Variants in PXN observed in about 807,000 individuals in gnomAD.
PXN encodes the protein testicular tissue protein Li 134.
PXN carries 61 observed loss-of-function variants against 103.6 expected under a neutral mutation model. The ratio of observed to expected loss-of-function variants is 0.59; its 90% confidence interval spans 0.48 to 0.73. The LOEUF is 0.73. Ranked by LOEUF, PXN falls within the 30% of genes least tolerant of loss-of-function variation. The pLI is 0.00. For missense variants in PXN, 1,274 were observed against 1,460.3 expected (o/e 0.87, Z 2.08); for synonymous variants, 562 against 607.8 (o/e 0.92, Z 1.11).
At chr12:120,232,359 C>T (rs1888217160) in intron 1 of PXN, among the ~76,000 whole-genome samples, 1 of 152,222 alleles carries the variant, frequency 6.6e-6, no homozygotes, top group African/African-American at 2.4e-5. Flanking sequence ...CTCATCTCTC[C>T]TGTCCAGAAT....
rs1005143803 is a variant in PXN at position 120,221,173 on chromosome 12, A to G, written c.831+450T>C. 6.6e-6 allele frequency among the ~76,000 whole-genome samples: 1 copy of G among 152,092 alleles called. No individual in the cohort carries two copies. The highest frequency in any genetic ancestry group is 2.4e-5 in the African/African-American group (1 of 41,398). On this transcript the variant is annotated intron_variant, in intron 6 of 14. Coordinates refer to ENST00000637617, the MANE Select transcript of PXN (RefSeq NM_001385981.1). This position sits in a 1 kb window ranked among gnomAD's most constrained non-coding sequence, Gnocchi z 6.6. ...AGGATCAGAGGCAGAAAGAAAGAGGATGTGTTGAGGACAGCTAGCGTGGGA... is the reference window on the plus strand; with the variant it reads ...AGGATCAGAGGCAGAAAGAAAGAGGGTGTGTTGAGGACAGCTAGCGTGGGA...
Position 120,220,010 on chromosome 12 carries a change from GAGA to G in PXN, c.910_912del (p.Ser304del), listed in dbSNP as rs1330767294. On this transcript the variant is annotated inframe_deletion, in exon 7 of 15. Transcript: ENST00000637617. This position sits in a 1 kb window ranked among gnomAD's most constrained non-coding sequence, Gnocchi z 6.1. The stretch of plus-strand genomic sequence containing the variant: ...AGAAATACAGATGGCATGGGAGGAG[GAGA>G]AGGAGGAAGGGAGCAGTATGAGGAC... 1 of 1,565,862 alleles carries G rather than the reference GAGA, an allele frequency of 6.4e-7. No homozygotes were observed. Among genetic ancestry groups the G allele is most frequent in the Non-Finnish European group, 8.7e-7 (1 of 1,152,714 alleles).
chr12:120,249,400 A>T (rs1179361), intron 1 of PXN, among the ~76,000 whole-genome samples: 1 of 152,064 alleles, frequency 6.6e-6, no homozygotes, highest in Non-Finnish European at 1.5e-5. Context: ...CCAACAGGCC[A>T]TTAGGAGGGA....
intron 1 of PXN, among the ~76,000 whole-genome samples, chr12:120,263,127 G>A (rs766443186): frequency 2.0e-5 from 3 of 152,126 alleles, no homozygotes; most frequent in Admixed American, 6.5e-5. Flanking sequence ...CTGAGAGCAC[G>A]CTCAGGAGAA....
At position 120,220,225 on chromosome 12, in the gene PXN, C is replaced by A; in HGVS notation, c.832-134G>T. The A allele has an allele frequency of 4.4e-6, 2 of 451,164 alleles. No individual in the cohort carries two copies. The highest frequency in any genetic ancestry group is 7.8e-6 in the Non-Finnish European group (2 of 255,666). 27.9% of individuals were successfully genotyped at this position (451,164 alleles called of 1,614,324 possible). ...TGCAAAGCTGACGCACAGGACTGAC[C>A]CTTGAAGGAGACCCAGACCCCAAAA... On this transcript the variant is annotated intron_variant, in intron 6 of 14. Coordinates refer to ENST00000637617, the MANE Select transcript of PXN (RefSeq NM_001385981.1). This position sits in a 1 kb window ranked among gnomAD's most constrained non-coding sequence, Gnocchi z 6.1.
At chr12:120,239,136 G>C (rs949500038) in intron 1 of PXN, among the ~76,000 whole-genome samples, 8 of 152,166 alleles carry the variant, frequency 5.3e-5, no homozygotes, top group Admixed American at 2.6e-4. Context: ...GGTGCCACTG[G>C]TTTCTCCTTT....
At chr12:120,235,298 A>G (rs1888821979) in intron 1 of PXN, among the ~76,000 whole-genome samples, 1 of 152,262 alleles carries the variant, frequency 6.6e-6, no homozygotes, top group South Asian at 2.1e-4. Context: ...AAAGGGATCC[A>G]AAGACGGGGC....
Position 120,220,747 on chromosome 12 carries a change from C to T in PXN, c.832-656G>A, listed in dbSNP as rs372541679. Among the ~76,000 whole-genome samples the T allele has an allele frequency of 3.0e-4, 46 of 152,270 alleles. No homozygotes were observed. Among genetic ancestry groups the T allele is most frequent in the African/African-American group, 1.1e-3 (45 of 41,550 alleles). On this transcript the variant is annotated intron_variant, in intron 6 of 14. Coordinates refer to ENST00000637617, the MANE Select transcript of PXN (RefSeq NM_001385981.1). The surrounding 1 kb of genome is among the most constrained non-coding windows in gnomAD (Gnocchi z 6.1). ...CACGCAAGGGTCACAGGGCCAGGCTCAACCCTCCACCCCAGCCACACTCCT... is the reference window on the plus strand; with the variant it reads ...CACGCAAGGGTCACAGGGCCAGGCTTAACCCTCCACCCCAGCCACACTCCT...
At chr12:120,223,399 A>G (rs1331468762) in intron 3 of PXN, among the ~76,000 whole-genome samples, 1 of 151,478 alleles carries the variant, frequency 6.6e-6, no homozygotes, top group African/African-American at 2.4e-5. Flanking sequence ...GCGCGACTGC[A>G]CTCCAGCCTG....
chr12:120,259,158 G>A (rs1046713978), intron 1 of PXN, among the ~76,000 whole-genome samples: 3 of 152,100 alleles, frequency 2.0e-5, no homozygotes, highest in Non-Finnish European at 2.9e-5. Flanking sequence ...TTGGGAGGCT[G>A]AGGCAGGTGG....
rs1284770717 is a variant in PXN at position 120,212,033 on chromosome 12, A to C, written c.*281T>G. The C allele has an allele frequency of 7.4e-6, 5 of 673,654 alleles. No individual in the cohort carries two copies. Among genetic ancestry groups the C allele is most frequent in the East Asian group, 3.0e-5 (1 of 32,930 alleles). The allele number at this position is 673,654 out of a possible 1,614,324, so 41.7% of individuals were successfully genotyped here. A position where few individuals can be genotyped will look rare whatever the true frequency, so the allele number is the denominator to read the frequency against. ...TGGCCAGGCCAGTTCGTGGGGACGT[A>C]CATGGGCTGGGGTGGAGCCCCCAGC... On this transcript the variant is annotated 3_prime_UTR_variant, in exon 15 of 15. Transcript: ENST00000637617. The surrounding 1 kb of genome is among the most constrained non-coding windows in gnomAD (Gnocchi z 7.2).
At position 120,215,672 on chromosome 12, in the gene PXN, G is replaced by A. The variant is rs749211221; in HGVS notation, c.2302-11C>T. ...CTCCAGGCCCTGGATCTTAGATAGG[G>A]GAAGAGATGAGGGTAAGAAATCTTT... On this transcript the variant is annotated splice_polypyrimidine_tract_variant and intron_variant, in intron 9 of 14. Transcript: ENST00000637617. This position sits in a 1 kb window ranked among gnomAD's most constrained non-coding sequence, Gnocchi z 4.9. 4.4e-6 allele frequency: 7 copies of A among 1,596,352 alleles called. No individual in the cohort carries two copies. The highest frequency in any genetic ancestry group is 5.1e-6 in the Non-Finnish European group (6 of 1,174,148).
At chr12:120,256,421 GAGA>G (rs1399745555) in intron 1 of PXN, among the ~76,000 whole-genome samples, 3 of 151,932 alleles carry the variant, frequency 2.0e-5, no homozygotes, top group Non-Finnish European at 4.4e-5. Flanking sequence ...AAGAAGAGAA[GAGA>G]AGGAGAGGAG....
intron 1 of PXN, among the ~76,000 whole-genome samples, chr12:120,245,753 A>T (rs919601169): frequency 6.8e-6 from 1 of 147,622 alleles, no homozygotes; most frequent in East Asian, 2.0e-4. Context: ...GCACGACTGC[A>T]CTCCAGCCTG....
intron 1 of PXN, among the ~76,000 whole-genome samples, chr12:120,240,343 G>A (rs912157746): frequency 3.9e-5 from 6 of 152,078 alleles, no homozygotes. Context: ...GCAAGTGCAT[G>A]CCCAGCACTG....
At position 120,216,977 on chromosome 12, in the gene PXN, C is replaced by A. The variant is rs1298142613; in HGVS notation, c.1856G>T (p.Gly619Val). Residue 619 changes from glycine (G) to valine (V), a missense_variant, in exon 8 of 15, where the codon GGG becomes GTG. By Grantham distance (109) the Gly-to-Val change is moderately radical (BLOSUM62 -3). Coordinates refer to ENST00000637617, the MANE Select transcript of PXN (RefSeq NM_001385981.1). This position sits in a 1 kb window ranked among gnomAD's most constrained non-coding sequence, Gnocchi z 5.1. Reference sequence around the variant, plus strand: ...TGCCTCAGGCTGGATGCCCAGCCGCCCCTGCAGCTCCGCGATGAGCTGTTC... The same window carrying A: ...TGCCTCAGGCTGGATGCCCAGCCGCACCTGCAGCTCCGCGATGAGCTGTTC... ...SQEQLIAELQGRLGIQPEAEE... is the reference protein window; with the variant it reads ...SQEQLIAELQVRLGIQPEAEE... 7.1e-6 allele frequency: 11 copies of A among 1,546,702 alleles called. No individual in the cohort carries two copies. The Admixed American group carries it at 1.9e-4, about 27-fold the overall frequency.
At position 120,221,854 on chromosome 12, in the gene PXN, C is replaced by A; in HGVS notation, c.696-96G>T. 1 of 1,453,954 alleles carries A rather than the reference C, an allele frequency of 6.9e-7. No individual in the cohort carries two copies. The highest frequency in any genetic ancestry group is 1.4e-5 in the South Asian group (1 of 72,146). 90.1% of individuals were successfully genotyped at this position (1,453,954 alleles called of 1,614,324 possible). On this transcript the variant is annotated intron_variant, in intron 5 of 14. Coordinates refer to ENST00000637617, the MANE Select transcript of PXN (RefSeq NM_001385981.1). This position sits in a 1 kb window ranked among gnomAD's most constrained non-coding sequence, Gnocchi z 6.6. ...TCTCACCTCGGACACTGGGGTCTCACCATCCCCAACCCCAGGGAGGTCCAC... is the reference window on the plus strand; with the variant it reads ...TCTCACCTCGGACACTGGGGTCTCAACATCCCCAACCCCAGGGAGGTCCAC...
At position 120,212,595 on chromosome 12, in the gene PXN, G is replaced by A; in HGVS notation, c.2980-15C>T. 1 of 1,607,244 alleles carries A rather than the reference G, an allele frequency of 6.2e-7. No individual in the cohort carries two copies. Among genetic ancestry groups the A allele is most frequent in the Non-Finnish European group, 8.5e-7 (1 of 1,176,008 alleles). Reference sequence around the variant, plus strand: ...GTGAAGCATTCCTGCCAGGCGGAGAGAGGGGCTCAGGGAGCTGCCCCTCGG... The same window carrying A: ...GTGAAGCATTCCTGCCAGGCGGAGAAAGGGGCTCAGGGAGCTGCCCCTCGG... On this transcript the variant is annotated splice_polypyrimidine_tract_variant and intron_variant, in intron 14 of 14. Transcript: ENST00000637617. This position sits in a 1 kb window ranked among gnomAD's most constrained non-coding sequence, Gnocchi z 7.2.
chr12:120,219,491 T>C lies in PXN; in HGVS notation c.1432A>G (p.Thr478Ala). 1 of 1,597,812 alleles carries C rather than the reference T, an allele frequency of 6.3e-7. No individual in the cohort carries two copies. Among genetic ancestry groups the C allele is most frequent in the African/African-American group, 1.3e-5 (1 of 75,032 alleles). The change falls in exon 7 of 15, where the codon ACC becomes GCC. Residue 478 changes from threonine to alanine, a missense_variant. Transcript: ENST00000637617. The surrounding 1 kb of genome is among the most constrained non-coding windows in gnomAD (Gnocchi z 6.5). ...CCATGTTCCTCCGTGAGAGTCCAGG[T>C]ATCTGGGAAGATGGCCTGCCGGTCC... ...AVDRQAIFPD[T>A]WTLTEEHGLQ...
Sources: gnomAD v4.1 joint callset for allele counts (sites outside exome capture counted in the v4.1 genomes callset) on GRCh38, gnomAD v4.1.1 for gene constraint, Gnocchi (gnomAD v3.1) non-coding constraint, MANE v1.5 for transcripts, NCBI Gene and HGNC (gene_info 2026-07-23, HGNC 2026-07-21) for gene names.